Variants in ANO4 observed in about 807,000 individuals in gnomAD.
ANO4 encodes the protein anoctamin-4.
Under a neutral mutation model 141.9 loss-of-function variants are expected in ANO4, and 69 were observed. The ratio of observed to expected loss-of-function variants is 0.49; its 90% CI spans 0.40 to 0.59. The LOEUF is 0.59. Ranked by LOEUF, ANO4 falls within the 20% of genes least tolerant of loss-of-function variation. The probability of loss-of-function intolerance (pLI) is 0.00; values close to 1 mark genes in which losing one functional copy is unlikely to be tolerated. For synonymous variants in ANO4, 350 were observed against 394.3 expected (o/e 0.89, Z 1.33); for missense variants, 894 against 1,162.2 (o/e 0.77, Z 3.36).
chr12:100,946,235 G>A (rs192513268), intron 5 of ANO4, among the ~76,000 whole-genome samples: 141 of 152,300 alleles, frequency 9.3e-4, no homozygotes, highest in Middle Eastern at 6.8e-3. Flanking sequence ...ATCACTGGGG[G>A]ATGTTAGCTT....
At chr12:100,932,723 C>G (rs1308756250) in intron 3 of ANO4, among the ~76,000 whole-genome samples, 1 of 152,146 alleles carries the variant, frequency 6.6e-6, no homozygotes, top group Non-Finnish European at 1.5e-5. Flanking sequence ...TGGTCCTCTC[C>G]TGACTTTTCT....
intron 1 of ANO4, among the ~76,000 whole-genome samples, chr12:100,884,352 G>A (rs552405431): frequency 3.3e-5 from 5 of 152,272 alleles, no homozygotes; most frequent in South Asian, 2.1e-4. Context: ...TTCAGACAGG[G>A]CAGCTTCACA....
chr12:101,096,541 C>A lies in ANO4; in HGVS notation c.1744C>A (p.Pro582Thr). 1 of 1,612,686 alleles carries A rather than the reference C, an allele frequency of 6.2e-7. No homozygotes were observed. Among genetic ancestry groups the A allele is most frequent in the Non-Finnish European group, 8.5e-7 (1 of 1,178,900 alleles). ...TGCTCACCTTTTGTCCACAGAACAG[C>A]CTCGCACAGAGTCTGAGTGGGAGAA... ...VALLLTNLEQPRTESEWENSF... is the reference protein window; with the variant it reads ...VALLLTNLEQTRTESEWENSF... The change falls in exon 19 of 28, where the codon CCT (proline) becomes ACT (threonine). Residue 582 changes from proline (P) to threonine (T), a missense_variant. Transcript: ENST00000392977.
At chr12:100,855,650 A>G (rs1291781409) in intron 1 of ANO4, among the ~76,000 whole-genome samples, 1 of 152,162 alleles carries the variant, frequency 6.6e-6, no homozygotes. Context: ...TAGTGTTTGC[A>G]TTATTTTCTG....
intron 1 of ANO4, among the ~76,000 whole-genome samples, chr12:100,884,429 C>T (rs1289689628): frequency 6.6e-6 from 1 of 152,184 alleles, no homozygotes; most frequent in Non-Finnish European, 1.5e-5. Flanking sequence ...TGGGGAAGGC[C>T]TATCAGTGGC....
chr12:101,022,744 CTT>C (rs926231678), intron 9 of ANO4, among the ~76,000 whole-genome samples: 11 of 148,896 alleles, frequency 7.4e-5, no homozygotes, highest in East Asian at 5.9e-4. Context: ...ACTTATGACT[CTT>C]TTTTTTTTGT....
chr12:100,808,706 T>C (rs2035213305), intron 1 of ANO4, among the ~76,000 whole-genome samples: 1 of 152,234 alleles, frequency 6.6e-6, no homozygotes, highest in Admixed American at 6.5e-5. Flanking sequence ...TGGAAGTGTT[T>C]CTTTGACACC....
At chr12:100,744,627 C>G (rs1227993171) in intron 3 of ANO4, among the ~76,000 whole-genome samples, 1 of 152,200 alleles carries the variant, frequency 6.6e-6, no homozygotes, top group Non-Finnish European at 1.5e-5. Context: ...TTAATTGCAT[C>G]ATCCACAGTC....
chr12:101,085,869 CT>C (rs2049471534), intron 16 of ANO4, among the ~76,000 whole-genome samples: 1 of 152,108 alleles, frequency 6.6e-6, no homozygotes, highest in African/African-American at 2.4e-5. Flanking sequence ...CTTCCCTGTC[CT>C]TATGGAGCTT....
chr12:100,753,001 A>G (rs1480886827), intron 3 of ANO4, among the ~76,000 whole-genome samples: 8 of 152,212 alleles, frequency 5.3e-5, no homozygotes, highest in Admixed American at 1.3e-4. Context: ...GTTGTCCTCA[A>G]TGGGAGCAAT....
chr12:101,104,583 TAA>T, intron 22 of ANO4, among the ~76,000 whole-genome samples: 1 of 142,616 alleles, frequency 7.0e-6, no homozygotes, highest in Middle Eastern at 3.7e-3. Flanking sequence ...AGGCTTTTGA[TAA>T]TATATATATG....
chr12:101,114,216 A>G (rs1224512751), intron 24 of ANO4, among the ~76,000 whole-genome samples: 1 of 152,254 alleles, frequency 6.6e-6, no homozygotes, highest in African/African-American at 2.4e-5. Flanking sequence ...GCTGAATTTT[A>G]TACAGCAAAA....
At chr12:101,117,732 C>G (rs2050910864) in intron 25 of ANO4, among the ~76,000 whole-genome samples, 3 of 152,158 alleles carry the variant, frequency 2.0e-5, no homozygotes, top group South Asian at 4.1e-4. Flanking sequence ...TTTGGAGATT[C>G]CCTATCATGA....
chr12:101,070,609 A>G (rs1323989691), intron 14 of ANO4, among the ~76,000 whole-genome samples: 1 of 152,292 alleles, frequency 6.6e-6, no homozygotes, highest in Non-Finnish European at 1.5e-5. Flanking sequence ...GACTGGGCAG[A>G]GATTTCTTGA....
chr12:100,904,650 G>A lies in ANO4; in HGVS notation c.55+2810G>A, dbSNP rs148548905. On this transcript the variant is annotated intron_variant, in intron 2 of 27. Coordinates refer to ENST00000392977, the MANE Select transcript of ANO4 (RefSeq NM_001286615.2). ...GTGAGTGAGGTGGGGAATCAACTCAGTGAGGTTGTAGGGACTAGATCGGGC... is the reference window on the plus strand; with the variant it reads ...GTGAGTGAGGTGGGGAATCAACTCAATGAGGTTGTAGGGACTAGATCGGGC... 6.2e-3 allele frequency among the ~76,000 whole-genome samples: 937 copies of A among 152,298 alleles called. 9 individuals are homozygous for A. Among genetic ancestry groups the A allele is most frequent in the African/African-American group, 0.022 (903 of 41,566 alleles).
At chr12:100,835,183 A>G (rs74939869) in intron 1 of ANO4, among the ~76,000 whole-genome samples, 3,479 of 152,272 alleles carry the variant, frequency 0.023, 134 homozygotes, top group African/African-American at 0.079. Context: ...GGGCCTGGTT[A>G]GATCTCTGCT....
chr12:100,744,384 G>T lies in ANO4; in HGVS notation c.358+4279G>T, dbSNP rs529611391. ...AGATTAGGGCACTGACCGATTTGGC[G>T]TCTGGTGAGGGCTGTCTTCATGGTT... is the stretch of plus-strand genomic sequence containing the variant. On this transcript the variant is annotated intron_variant, in intron 3 of 29. Coordinates refer to the ANO4 transcript ENST00000644049. Among the ~76,000 whole-genome samples the T allele has an allele frequency of 2.0e-4, 31 of 152,262 alleles. 1 individual carries two copies. The South Asian group carries it at 6.2e-3, about 31-fold the overall frequency.
chr12:100,723,850 A>C (rs1375407684), intron 1 of ANO4, among the ~76,000 whole-genome samples: 2 of 152,174 alleles, frequency 1.3e-5, no homozygotes, highest in Non-Finnish European at 2.9e-5. Flanking sequence ...GGGAGGACAC[A>C]TTCAGCTCAC....
intron 1 of ANO4, among the ~76,000 whole-genome samples, chr12:100,724,742 C>A (rs12579695): frequency 0.15 from 22,120 of 152,042 alleles, 2,070 homozygotes; most frequent in South Asian, 0.25. Flanking sequence ...TCAGTCACAA[C>A]AAAAAGAAAG....
Sources: allele counts gnomAD v4.1 joint callset (sites outside exome capture counted in the v4.1 genomes callset), GRCh38; gene constraint gnomAD v4.1.1; transcripts MANE v1.5; gene names NCBI Gene and HGNC (gene_info 2026-07-23, HGNC 2026-07-21).